The following COL18A1 variants were observed in gnomAD, a reference collection of about 807,000 sequenced individuals.
COL18A1 encodes the protein collagen alpha-1(XVIII) chain.
A neutral mutation model predicts 168.0 loss-of-function variants in COL18A1; 133 were observed. The observed-to-expected ratio is 0.79, with a 90% CI of 0.69 to 0.91. COL18A1 has a LOEUF of 0.91. COL18A1 is among the 40% of genes least tolerant of loss of function. COL18A1 has a pLI of 0.00. For synonymous variants in COL18A1, 949 were observed against 809.0 expected (o/e 1.17, Z -2.94); for missense variants, 2,126 against 1,925.4 (o/e 1.10, Z -1.95).
intron 29 of COL18A1, chr21:45,496,259 C>G: frequency 1.4e-6 from 1 of 700,228 alleles, no homozygotes. Flanking sequence ...ACCCGGTGGC[C>G]TCTTCACTCC....
intron 32 of COL18A1, among the ~76,000 whole-genome samples, chr21:45,499,009 G>A (rs763640944): frequency 1.3e-5 from 2 of 152,208 alleles, no homozygotes; most frequent in African/African-American, 2.4e-5. Context: ...AGGGAACAGT[G>A]TTTGCAGGCG....
chr21:45,427,033 C>G (rs758654784), intron 2 of COL18A1, among the ~76,000 whole-genome samples: 1 of 152,214 alleles, frequency 6.6e-6, no homozygotes, highest in African/African-American at 2.4e-5. Context: ...GCAGACACCC[C>G]AGCTTCACGC....
chr21:45,477,666 G>C, intron 7 of COL18A1, 84 bp from the exon 8 acceptor site: 41 of 1,375,470 alleles, frequency 3.0e-5, no homozygotes, highest in Non-Finnish European at 3.9e-5. Context: ...CCCAGCCTGG[G>C]ACTCTGGAGG....
At chr21:45,422,449 G>A (rs1312922875) in intron 2 of COL18A1, 1 of 532,314 alleles carries the variant, frequency 1.9e-6, no homozygotes, top group East Asian at 5.5e-5. Context: ...GAGGCTCCAG[G>A]ATAGAGTTGC....
At chr21:45,437,370 A>T (rs1380629900) in intron 2 of COL18A1, among the ~76,000 whole-genome samples, 1 of 119,104 alleles carries the variant, frequency 8.4e-6, no homozygotes, top group African/African-American at 3.9e-5. Flanking sequence ...ACACACACAC[A>T]CTCAGACACA....
chr21:45,507,526 C>T lies in COL18A1; in HGVS notation c.3217-35C>T, dbSNP rs372807828. Reference sequence around the variant, plus strand: ...GAGGGCACCCTGGCTCAGGCCCAGCCGCAGGTCCTGGGTGACCCTGCTGCT... The same window carrying T: ...GAGGGCACCCTGGCTCAGGCCCAGCTGCAGGTCCTGGGTGACCCTGCTGCT... On this transcript the variant is annotated intron_variant, in intron 37 of 41. Coordinates refer to ENST00000651438, the MANE Select transcript of COL18A1 (RefSeq NM_001379500.1). 3,590 of 1,607,752 alleles carry T rather than the reference C, an allele frequency of 2.2e-3. 9 individuals carry two copies. Among genetic ancestry groups the T allele is most frequent in the Non-Finnish European group, 2.9e-3 (3,401 of 1,177,136 alleles).
At chr21:45,506,945 G>A in intron 37 of COL18A1, 1 of 249,988 alleles carries the variant, frequency 4.0e-6, no homozygotes, top group East Asian at 1.0e-4. Context: ...ATGCTGAGCT[G>A]GTGCCCACTG....
intron 2 of COL18A1, among the ~76,000 whole-genome samples, chr21:45,458,805 C>T (rs376193111): frequency 6.6e-6 from 1 of 152,216 alleles, no homozygotes; most frequent in East Asian, 1.9e-4. Context: ...TGACCCTGCC[C>T]TAGCCCTGCC....
chr21:45,504,994 A>T (rs2037104889), intron 34 of COL18A1, 140 bp from the exon 35 acceptor site: 2 of 1,063,438 alleles, frequency 1.9e-6, no homozygotes, highest in Non-Finnish European at 1.4e-6. Flanking sequence ...TTCTCAGGCT[A>T]TGGCGTGGGC....
chr21:45,495,600 C>CCA lies in COL18A1; in HGVS notation c.2508+174_2508+175dup, dbSNP rs112911974. On this transcript the variant is annotated intron_variant, in intron 29 of 41. Transcript: ENST00000651438. ...CATACCCATGCACAGTCATACATGT[C>CCA]CACACACGCACACGTGTGCCCAAAC... The CCA allele has an allele frequency of 2.7e-3, 1,399 of 511,442 alleles. 7 individuals carry two copies. The highest frequency in any genetic ancestry group is 3.2e-3 in the Non-Finnish European group (930 of 291,852). The allele number at this position is 511,442 out of a possible 1,614,324, so 31.7% of individuals were successfully genotyped here. A position where few individuals can be genotyped will look rare whatever the true frequency, so the allele number is the denominator to read the frequency against.
rs747683284 is a variant in COL18A1 at position 45,437,924 on chromosome 21, G to GCA, written c.107-30302_107-30301dup. Among the ~76,000 whole-genome samples, 51 of 37,626 alleles carry GCA rather than the reference G, an allele frequency of 1.4e-3. 7 individuals are homozygous for GCA. The highest frequency in any genetic ancestry group is 4.3e-3 in the Admixed American group (15 of 3,510). 24.7% of individuals were successfully genotyped at this position (37,626 alleles called of 152,430 possible). On this transcript the variant is annotated intron_variant, in intron 2 of 41. Coordinates refer to ENST00000651438, the MANE Select transcript of COL18A1 (RefSeq NM_001379500.1). ...CTCACTCAGACACAGGCACTCTCCT[G>GCA]CACACACACACACACACTCAGACAC...
At chr21:45,431,443 G>A (rs2033957999) in intron 2 of COL18A1, among the ~76,000 whole-genome samples, 1 of 121,436 alleles carries the variant, frequency 8.2e-6, no homozygotes. Context: ...GGCAGGACCC[G>A]GCGGCCCAGG....
At position 45,512,347 on chromosome 21, in the gene COL18A1, C is replaced by T. The variant is rs763139204; in HGVS notation, c.3969C>T (p.His1323=). 62 of 1,612,658 alleles carry T rather than the reference C, an allele frequency of 3.8e-5. No individual in the cohort carries two copies. The highest frequency in any genetic ancestry group is 1.7e-4 in the Admixed American group (10 of 59,996). ...LLGQSAASCH[H]AYIVLCIENS... ...GGCAGAGTGCCGCGAGCTGCCATCA[C>T]GCCTACATCGTGCTCTGCATTGAGA... The change falls in exon 42 of 42, where the codon CAC becomes CAT. Residue 1323 remains histidine, a synonymous_variant. Coordinates refer to ENST00000651438, the MANE Select transcript of COL18A1 (RefSeq NM_001379500.1).
chr21:45,474,445 C>CTGTGTT (rs76304375), intron 4 of COL18A1, among the ~76,000 whole-genome samples: 31,796 of 142,990 alleles, frequency 0.22, 4,614 homozygotes, highest in African/African-American at 0.43. Context: ...TGGTGTGTCT[C>CTGTGTT]TGTGTGTAGT....
At chr21:45,485,285 G>C (rs1459334669) in intron 15 of COL18A1, among the ~76,000 whole-genome samples, 1 of 149,256 alleles carries the variant, frequency 6.7e-6, no homozygotes, top group Non-Finnish European at 1.5e-5. Context: ...ACAGGCGTGA[G>C]CCACCACACT....
At chr21:45,419,256 C>T (rs1173296372) in intron 2 of COL18A1, among the ~76,000 whole-genome samples, 1 of 151,808 alleles carries the variant, frequency 6.6e-6, no homozygotes, top group Non-Finnish European at 1.5e-5. Context: ...TGTGTGGTGA[C>T]ATGCAGTTCC....
intron 15 of COL18A1, among the ~76,000 whole-genome samples, chr21:45,485,342 T>C (rs1248536787): frequency 1.3e-5 from 2 of 150,672 alleles, no homozygotes; most frequent in Admixed American, 1.3e-4. Flanking sequence ...GATCAAAAAT[T>C]AGATGAGGCT....
At chr21:45,439,409 G>A (rs977133126) in intron 2 of COL18A1, among the ~76,000 whole-genome samples, 4 of 152,276 alleles carry the variant, frequency 2.6e-5, no homozygotes, top group Non-Finnish European at 4.4e-5. Flanking sequence ...GGGCAGAGAG[G>A]TCATGACCTT....
rs141122516 is a variant in COL18A1, at chr21:45,437,442, ACACT to A, written c.107-30792_107-30789del. 7.0e-3 allele frequency among the ~76,000 whole-genome samples: 303 copies of A among 43,098 alleles called. 14 individuals carry two copies. Among genetic ancestry groups the A allele is most frequent in the Non-Finnish European group, 0.01 (243 of 23,362 alleles). The allele number at this position is 43,098 out of a possible 152,430, so 28.3% of individuals were successfully genotyped here. On this transcript the variant is annotated intron_variant, in intron 2 of 41. Transcript: ENST00000651438. The stretch of plus-strand genomic sequence containing the variant: ...CACACAGGCACTCTCCTGCACACAC[ACACT>A]CACTCACAGACAGACACACAGGCAC...
Sources: gnomAD v4.1 joint callset for allele counts (sites outside exome capture counted in the v4.1 genomes callset) on GRCh38, gnomAD v4.1.1 for gene constraint, MANE v1.5 for transcripts, NCBI Gene and HGNC (gene_info 2026-07-23, HGNC 2026-07-21) for gene names.